The following GRIK4 variants were observed in gnomAD, a reference collection of about 807,000 sequenced individuals.
GRIK4 encodes the protein glutamate ionotropic receptor kainate type subunit 4.
Under a neutral mutation model 104.9 loss-of-function variants are expected in GRIK4, and 40 were observed. The ratio of observed to expected loss-of-function variants is 0.38; its 90% CI spans 0.30 to 0.50. GRIK4 has a LOEUF of 0.50. Ranked by LOEUF, GRIK4 falls within the 20% of genes least tolerant of loss-of-function variation. The pLI, the probability that GRIK4 is intolerant of heterozygous loss-of-function variation, is 0.93. For missense variants in GRIK4, 1,047 were observed against 1,308.1 expected (o/e 0.80, Z 3.08); for synonymous variants, 485 against 524.9 (o/e 0.92, Z 1.04).
intron 1 of GRIK4, among the ~76,000 whole-genome samples, chr11:120,537,571 T>C (rs1327076849): frequency 6.6e-6 from 1 of 152,098 alleles, no homozygotes; most frequent in African/African-American, 2.4e-5. Flanking sequence ...CAAACACACA[T>C]GTCTCCTGGA....
chr11:120,870,042 A>G (rs1188157110), intron 9 of GRIK4: 1 of 152,292 alleles, frequency 6.6e-6, no homozygotes, highest in Non-Finnish European at 1.5e-5. Flanking sequence ...AGACACAGAC[A>G]TGTCCAGAGG....
chr11:120,894,102 A>G (rs879594318), intron 11 of GRIK4, among the ~76,000 whole-genome samples: 1 of 152,218 alleles, frequency 6.6e-6, no homozygotes, highest in Non-Finnish European at 1.5e-5. Flanking sequence ...CTGCCTAATC[A>G]ACTAAAGCCC....
At chr11:120,744,833 C>G (rs1274903373) in intron 3 of GRIK4, among the ~76,000 whole-genome samples, 2 of 152,150 alleles carry the variant, frequency 1.3e-5, no homozygotes, top group East Asian at 1.9e-4. Flanking sequence ...GCAGTAATAA[C>G]TGTTATTTAT....
At position 120,905,414 on chromosome 11, in the gene GRIK4, G is replaced by A. The variant is rs1483940677; in HGVS notation, c.1397G>A (p.Arg466His). 12 of 1,613,996 alleles carry A rather than the reference G, an allele frequency of 7.4e-6. No homozygotes were observed. The highest frequency in any genetic ancestry group is 4.5e-5 in the East Asian group (2 of 44,882). The stretch of plus-strand genomic sequence containing the variant: ...ATCCTCCGATTCAACTACAAGATCC[G>A]CCTGGTTGGGGATGGCGTGTACGGC... ...AEILRFNYKI[R>H]LVGDGVYGVP... The change falls in exon 13 of 21, where the codon CGC (arginine) becomes CAC (histidine). Residue 466 changes from arginine to histidine, a missense_variant. Arg to His is a conservative substitution (Grantham distance 29). Coordinates refer to ENST00000527524, the MANE Select transcript of GRIK4 (RefSeq NM_014619.5). This position sits in a 1 kb window ranked among gnomAD's most constrained non-coding sequence, Gnocchi z 5.1.
intron 1 of GRIK4, among the ~76,000 whole-genome samples, chr11:120,617,866 A>G (rs2135158693): frequency 6.6e-6 from 1 of 152,190 alleles, no homozygotes; most frequent in Middle Eastern, 3.4e-3. Flanking sequence ...ATCATAAATT[A>G]CCCAGTCTCA....
At position 120,956,708 on chromosome 11, in the gene GRIK4, C is replaced by G; in HGVS notation, c.1701-72C>G. 2 of 1,203,862 alleles carry G rather than the reference C, an allele frequency of 1.7e-6. No homozygotes were observed. The highest frequency in any genetic ancestry group is 2.2e-6 in the Non-Finnish European group (2 of 891,076). The allele number at this position is 1,203,862 out of a possible 1,614,324, so 74.6% of individuals were successfully genotyped here. On this transcript the variant is annotated intron_variant, in intron 15 of 20. Coordinates refer to ENST00000527524, the MANE Select transcript of GRIK4 (RefSeq NM_014619.5). This position sits in a 1 kb window ranked among gnomAD's most constrained non-coding sequence, Gnocchi z 4.6. Reference sequence around the variant, plus strand: ...AGGCCGGTCTCAGAGGTGAGACCAGCCAGGAGAGCCTGCCTGTGTCCCTTC... The same window carrying G: ...AGGCCGGTCTCAGAGGTGAGACCAGGCAGGAGAGCCTGCCTGTGTCCCTTC...
intron 1 of GRIK4, chr11:120,564,449 C>T (rs747635084): frequency 6.6e-6 from 1 of 152,234 alleles, no homozygotes; most frequent in Admixed American, 6.5e-5. Context: ...CCCGATTCCC[C>T]GACGTTTCGG....
intron 8 of GRIK4, among the ~76,000 whole-genome samples, chr11:120,858,776 T>C (rs983492362): frequency 1.3e-5 from 2 of 152,158 alleles, no homozygotes; most frequent in Non-Finnish European, 2.9e-5. Context: ...ATTTCCCATA[T>C]TCTTTTAGAC....
intron 13 of GRIK4, among the ~76,000 whole-genome samples, chr11:120,915,631 T>A (rs1210971894): frequency 1.3e-5 from 2 of 152,148 alleles, no homozygotes; most frequent in African/African-American, 4.8e-5. Flanking sequence ...TGCCCTGTCC[T>A]CTGGCTTCCC....
chr11:120,934,068 G>A (rs375124644), intron 13 of GRIK4, among the ~76,000 whole-genome samples: 1 of 152,092 alleles, frequency 6.6e-6, no homozygotes, highest in African/African-American at 2.4e-5. Flanking sequence ...AGTCGGGCAT[G>A]GTGGCGGGCG....
intron 1 of GRIK4, among the ~76,000 whole-genome samples, chr11:120,634,184 G>A (rs147106848): frequency 1.1e-3 from 164 of 152,284 alleles, no homozygotes; most frequent in African/African-American, 3.4e-3. Context: ...GTTGTAAGCC[G>A]CCGAATAAAT....
intron 3 of GRIK4, among the ~76,000 whole-genome samples, chr11:120,673,101 CCTT>C (rs1279255735): frequency 6.6e-6 from 1 of 152,178 alleles, no homozygotes; most frequent in African/African-American, 2.4e-5. Context: ...CACTTTCTGT[CCTT>C]CTTCTCTGCT....
Position 120,555,387 on chromosome 11 carries a change from T to G in GRIK4, c.-159+43500T>G, listed in dbSNP as rs1165783786. ...GGCTCTGGAGCTGACACAGCAGGCA[T>G]AGGTCTGGCTTTTGTTTCTCCAAGT... On this transcript the variant is annotated intron_variant, in intron 1 of 20. Coordinates refer to ENST00000527524, the MANE Select transcript of GRIK4 (RefSeq NM_014619.5). The surrounding 1 kb of genome is among the most constrained non-coding windows in gnomAD (Gnocchi z 5.3). Among the ~76,000 whole-genome samples, 1 of 152,220 alleles carries G rather than the reference T, an allele frequency of 6.6e-6. No individual in the cohort carries two copies. The highest frequency in any genetic ancestry group is 2.1e-4 in the South Asian group (1 of 4,832).
intron 16 of GRIK4, 67 bp from the exon 17 acceptor site, chr11:120,960,842 G>A: frequency 7.9e-7 from 1 of 1,262,468 alleles, no homozygotes; most frequent in Non-Finnish European, 1.1e-6. Context: ...CAGCAGGACT[G>A]GGGTCAGGGG....
intron 6 of GRIK4, among the ~76,000 whole-genome samples, chr11:120,829,880 A>G (rs1373661776): frequency 2.0e-5 from 3 of 152,214 alleles, no homozygotes; most frequent in Non-Finnish European, 4.4e-5. Context: ...TGTGGGGGCC[A>G]GTGGTGAGGG....
In GRIK4 at chr11:120,952,956, G is replaced by A. The variant is rs767382733; in HGVS notation, c.1692G>A (p.Leu564=). ...TGGCCGTCAGCTGTGTCCTCTTCCT[G>A]GTGGCTCGGTACTCTCCTCTTCCCT... ...AYLAVSCVLF[L]VARLTPYEWY... Residue 564 remains leucine, a synonymous_variant, in exon 15 of 21, where the codon CTG becomes CTA. Coordinates refer to ENST00000527524, the MANE Select transcript of GRIK4 (RefSeq NM_014619.5). This position sits in a 1 kb window ranked among gnomAD's most constrained non-coding sequence, Gnocchi z 5.2. 5.0e-6 allele frequency: 8 copies of A among 1,606,620 alleles called. No individual in the cohort carries two copies. Among genetic ancestry groups the A allele is most frequent in the African/African-American group, 4.0e-5 (3 of 74,710 alleles).
chr11:120,532,554 C>T (rs900472604), intron 1 of GRIK4, among the ~76,000 whole-genome samples: 2 of 152,256 alleles, frequency 1.3e-5, no homozygotes, highest in East Asian at 3.8e-4. Context: ...TCTGAGCCGG[C>T]TGGCTGCTTA....
intron 1 of GRIK4, among the ~76,000 whole-genome samples, chr11:120,559,604 C>T (rs1021574447): frequency 6.6e-6 from 1 of 152,124 alleles, no homozygotes; most frequent in Admixed American, 6.5e-5. Context: ...ATGCACAGAA[C>T]ATGGTTTGAT....
chr11:120,518,918 T>C (rs1310429174), intron 1 of GRIK4, among the ~76,000 whole-genome samples: 1 of 152,210 alleles, frequency 6.6e-6, no homozygotes, highest in Non-Finnish European at 1.5e-5. Context: ...GTGCCTGGCT[T>C]AGCCTGTGTC....
Sources: allele counts gnomAD v4.1 joint callset (sites outside exome capture counted in the v4.1 genomes callset), GRCh38; gene constraint gnomAD v4.1.1; non-coding constraint Gnocchi (gnomAD v3.1); transcripts MANE v1.5; gene names NCBI Gene and HGNC (gene_info 2026-07-23, HGNC 2026-07-21).